The following PRRG4 variants were observed in gnomAD, a reference collection of about 807,000 sequenced individuals.
PRRG4 encodes transmembrane gamma-carboxyglutamic acid protein 4.
In PRRG4, 12 loss-of-function variants were observed where a neutral mutation model predicts 20.0. That is an observed-to-expected ratio of 0.60 (90% CI 0.38 to 0.97). The LOEUF (loss-of-function observed/expected upper bound fraction) is 0.97, where lower values mean the gene tolerates loss of function less well. PRRG4 is among the 50% of genes least tolerant of loss of function. The pLI, the probability that PRRG4 is intolerant of heterozygous loss-of-function variation, is 0.00. For synonymous variants in PRRG4, 94 were observed against 96.4 expected (o/e 0.98, Z 0.15); for missense variants, 199 against 265.1 (o/e 0.75, Z 1.73).
chr11:32,837,347 G>A (rs926587705), intron 3 of PRRG4, among the ~76,000 whole-genome samples: 13 of 151,844 alleles, frequency 8.6e-5, no homozygotes, highest in South Asian at 4.2e-4. Flanking sequence ...CCTTGTATTC[G>A]GAAGTATATT....
Position 32,853,460 on chromosome 11 carries a change from C to A in PRRG4, c.614C>A (p.Pro205Gln). 1 of 1,614,140 alleles carries A rather than the reference C, an allele frequency of 6.2e-7. No individual in the cohort carries two copies. The highest frequency in any genetic ancestry group is 8.5e-7 in the Non-Finnish European group (1 of 1,180,014). Residue 205 changes from proline to glutamine, a missense_variant, in exon 6 of 6, where the codon CCA becomes CAA. By Grantham distance (76) the Pro-to-Gln change is moderately conservative. Transcript: ENST00000257836. ...AGAAAACACAGTGTTTCACCACCAC[C>A]ACCATATCCTGGGCACACAAAAGGA... ...LTRKHSVSPP[P>Q]PYPGHTKGFR...
At position 32,854,492 on chromosome 11, in the gene PRRG4, A is replaced by T. The variant is rs1020421251; in HGVS notation, c.*965A>T. On this transcript the variant is annotated 3_prime_UTR_variant, in exon 6 of 6. Transcript: ENST00000257836. ...AGAATCGCTTGAACTCGGGAGGTGG[A>T]GGTTGTAGTGAGGCGAGATTGTGCC... The T allele has an allele frequency of 4.3e-5, 6 of 138,074 alleles. No individual in the cohort carries two copies. The highest frequency in any genetic ancestry group is 6.1e-5 in the Non-Finnish European group (4 of 65,670). The allele number at this position is 138,074 out of a possible 1,614,324, so 8.6% of individuals were successfully genotyped here. A position where few individuals can be genotyped will look rare whatever the true frequency, so the allele number is the denominator to read the frequency against.
At chr11:32,846,360 A>C (rs114662294) in intron 5 of PRRG4, among the ~76,000 whole-genome samples, 2,578 of 152,250 alleles carry the variant, frequency 0.017, 79 homozygotes, top group African/African-American at 0.059. Flanking sequence ...TGACTTGGGA[A>C]ATGTTGTATA....
chr11:32,837,389 A>G (rs1165855577), intron 3 of PRRG4, among the ~76,000 whole-genome samples: 2 of 152,028 alleles, frequency 1.3e-5, no homozygotes, highest in Admixed American at 6.6e-5. Flanking sequence ...TGAGGGAAAC[A>G]TTTTTAAAAG....
chr11:32,849,268 G>A (rs1028179372), intron 5 of PRRG4, among the ~76,000 whole-genome samples: 6 of 152,102 alleles, frequency 3.9e-5, no homozygotes, highest in Non-Finnish European at 7.4e-5. Flanking sequence ...GCTGAGGTGC[G>A]AGAATTGATT....
At chr11:32,829,910 A>G, upstream of PRRG4, 1 of 985,550 alleles carries the variant, frequency 1.0e-6, no homozygotes, top group South Asian at 4.7e-5. Flanking sequence ...GTCCCCAGGT[A>G]GCCGCCTCCT....
chr11:32,840,284 T>C lies in PRRG4; in HGVS notation c.449+45T>C, dbSNP rs1851066016. 1 of 1,357,326 alleles carries C rather than the reference T, an allele frequency of 7.4e-7. No homozygotes were observed. Among genetic ancestry groups the C allele is most frequent in the Non-Finnish European group, 1.0e-6 (1 of 975,402 alleles). 84.1% of individuals were successfully genotyped at this position (1,357,326 alleles called of 1,614,324 possible). ...ATTTAATTCATCACTAGACATTCTA[T>C]ATTATTATTTTAACAATGGGTCAAG... is the stretch of plus-strand genomic sequence containing the variant. On this transcript the variant is annotated intron_variant, in intron 5 of 5. Coordinates refer to ENST00000257836, the MANE Select transcript of PRRG4 (RefSeq NM_024081.6). This position sits in a 1 kb window ranked among gnomAD's most constrained non-coding sequence, Gnocchi z 4.1.
At position 32,853,282 on chromosome 11, in the gene PRRG4, GTC is replaced by G. The variant is rs751432287; in HGVS notation, c.450-8_450-7del. ...GCTACCTTTCCTAGACCTAAATGTT[GTC>G]TCTCTGCTTAGCTCTTCAGCCGTCT... On this transcript the variant is annotated splice_polypyrimidine_tract_variant and intron_variant, in intron 5 of 5. Coordinates refer to ENST00000257836, the MANE Select transcript of PRRG4 (RefSeq NM_024081.6). 4 of 1,597,264 alleles carry G rather than the reference GTC, an allele frequency of 2.5e-6. No homozygotes were observed. The South Asian group carries it at 3.3e-5, about 13-fold the overall frequency.
At chr11:32,851,731 T>C (rs559919806) in intron 5 of PRRG4, among the ~76,000 whole-genome samples, 16 of 152,346 alleles carry the variant, frequency 1.1e-4, no homozygotes, top group Admixed American at 9.8e-4. Flanking sequence ...AAATATTGAC[T>C]AGAAGTTAGG....
chr11:32,838,866 T>A lies in PRRG4; in HGVS notation c.268-16T>A. 1 of 1,595,790 alleles carries A rather than the reference T, an allele frequency of 6.3e-7. No individual in the cohort carries two copies. Among genetic ancestry groups the A allele is most frequent in the South Asian group, 1.1e-5 (1 of 90,588 alleles). On this transcript the variant is annotated splice_polypyrimidine_tract_variant and intron_variant, in intron 3 of 5. Coordinates refer to ENST00000257836, the MANE Select transcript of PRRG4 (RefSeq NM_024081.6). ...AAAGATATTGAATAAACTTGGGAAT[T>A]TTACCTTTTTTTTAGATTGCATTTT...
At chr11:32,843,799 C>T (rs1264370818) in intron 5 of PRRG4, among the ~76,000 whole-genome samples, 1 of 151,506 alleles carries the variant, frequency 6.6e-6, no homozygotes, top group Non-Finnish European at 1.5e-5. Flanking sequence ...CCATTCTCCC[C>T]TCTCCCTAGG....
chr11:32,844,549 G>A (rs1851110342), intron 5 of PRRG4, among the ~76,000 whole-genome samples: 2 of 151,402 alleles, frequency 1.3e-5, no homozygotes, highest in Admixed American at 1.3e-4. Flanking sequence ...TACCCAGGCT[G>A]GAGTACAGTG....
chr11:32,851,081 A>G (rs538369451), intron 5 of PRRG4, among the ~76,000 whole-genome samples: 1 of 152,070 alleles, frequency 6.6e-6, no homozygotes, highest in Non-Finnish European at 1.5e-5. Context: ...CGCAAAAATA[A>G]TAATAATAAT....
At chr11:32,846,402 G>A (rs950863525) in intron 5 of PRRG4, among the ~76,000 whole-genome samples, 1 of 152,192 alleles carries the variant, frequency 6.6e-6, no homozygotes. Flanking sequence ...TTACATTTGA[G>A]TTGCCAGACA....
intron 3 of PRRG4, 107 bp downstream of exon 3, chr11:32,836,928 G>A (rs1590669188): frequency 1.2e-6 from 1 of 842,976 alleles, no homozygotes. Context: ...TCAGGATTAT[G>A]TACCTGCTAT....
chr11:32,831,762 T>C (rs1476372777), intron 2 of PRRG4, among the ~76,000 whole-genome samples: 4 of 152,170 alleles, frequency 2.6e-5, no homozygotes. Flanking sequence ...GGCTCACACC[T>C]GTAATCCTAG....
At chr11:32,836,849 T>C in intron 3 of PRRG4, 28 bp downstream of exon 3, 1 of 1,586,706 alleles carries the variant, frequency 6.3e-7, no homozygotes, top group Non-Finnish European at 8.6e-7. Flanking sequence ...GTTAATTGGC[T>C]GGAAATGTTA....
At chr11:32,829,877 C>A, upstream of PRRG4, 4 of 985,524 alleles carry the variant, frequency 4.1e-6, no homozygotes, top group Non-Finnish European at 4.8e-6. Flanking sequence ...GCCCGGCCCC[C>A]GGGAGGTGGG....
At position 32,853,723 on chromosome 11, in the gene PRRG4, G is replaced by A. The variant is rs1053021271; in HGVS notation, c.*196G>A. ...CATGCCTGTAGTCCCACCTACTTGG[G>A]AGGCTGAAGCAGGAGAATTGCTCGA... On this transcript the variant is annotated 3_prime_UTR_variant, in exon 6 of 6. Transcript: ENST00000257836. The A allele has an allele frequency of 3.9e-6, 2 of 516,836 alleles. No individual in the cohort carries two copies. Among genetic ancestry groups the A allele is most frequent in the Non-Finnish European group, 7.0e-6 (2 of 286,492 alleles). The allele number at this position is 516,836 out of a possible 1,614,324, so 32.0% of individuals were successfully genotyped here.
Sources: gnomAD v4.1 joint callset for allele counts (sites outside exome capture counted in the v4.1 genomes callset) on GRCh38, gnomAD v4.1.1 for gene constraint, Gnocchi (gnomAD v3.1) non-coding constraint, MANE v1.5 for transcripts, NCBI Gene and HGNC (gene_info 2026-07-23, HGNC 2026-07-21) for gene names.